FADS2: variants seen among roughly 807,000 people sequenced by gnomAD.
The protein encoded by FADS2 is acyl-CoA 6-desaturase.
FADS2 carries 18 observed loss-of-function variants against 61.2 expected under a neutral mutation model. That is an observed-to-expected ratio of 0.29 (90% CI 0.20 to 0.44). The LOEUF is 0.44. Ranked by LOEUF, FADS2 falls within the 20% of genes least tolerant of loss-of-function variation. The probability of loss-of-function intolerance (pLI) is 1.00; values close to 1 mark genes in which losing one functional copy is unlikely to be tolerated. For synonymous variants in FADS2, 203 were observed against 223.9 expected, an observed-to-expected ratio of 0.91 and a Z score of 0.83; for missense variants, 322 against 572.7, an observed-to-expected ratio of 0.56 and a Z score of 4.47.
chr11:61,828,334 G>A lies in FADS2; in HGVS notation c.-57G>A. On this transcript the variant is annotated 5_prime_UTR_variant, in exon 1 of 12. Coordinates refer to ENST00000278840, the MANE Select transcript of FADS2 (RefSeq NM_004265.4). This position sits in a 1 kb window ranked among gnomAD's most constrained non-coding sequence, Gnocchi z 6.4. ...CGGCTGGGAGGCAGCCGTCTGTGCA[G>A]CGAGCAGCCGGCGCGGGGAGGCCGC... The A allele has an allele frequency of 6.5e-7, 1 of 1,537,610 alleles. No individual in the cohort carries two copies. The highest frequency in any genetic ancestry group is 8.8e-7 in the Non-Finnish European group (1 of 1,141,902).
At chr11:61,838,948 T>C (rs974844383) in intron 2 of FADS2, among the ~76,000 whole-genome samples, 5 of 152,168 alleles carry the variant, frequency 3.3e-5, no homozygotes, top group African/African-American at 1.2e-4. Context: ...CTGCAGATCC[T>C]GCACCATTTA....
intron 4 of FADS2, among the ~76,000 whole-genome samples, chr11:61,844,648 A>C (rs891051949): frequency 6.7e-6 from 1 of 148,336 alleles, no homozygotes; most frequent in East Asian, 2.1e-4. Flanking sequence ...AAATGAGGCC[A>C]GGCGCGGTGG....
At chr11:61,850,796 C>T (rs1353156197) in intron 5 of FADS2, among the ~76,000 whole-genome samples, 3 of 152,164 alleles carry the variant, frequency 2.0e-5, no homozygotes, top group Non-Finnish European at 4.4e-5. Context: ...TCAGCATCTG[C>T]CAAGTGAGGC....
At chr11:61,858,724 T>C (rs1316485803) in intron 7 of FADS2, among the ~76,000 whole-genome samples, 1 of 151,416 alleles carries the variant, frequency 6.6e-6, no homozygotes, top group East Asian at 2.0e-4. Context: ...TAGCTGGGAG[T>C]ACAGGCGCCG....
chr11:61,857,465 C>T lies in FADS2; in HGVS notation c.817C>T (p.Leu273=). The T allele has an allele frequency of 6.2e-7, 1 of 1,614,050 alleles. No homozygotes were observed. Among genetic ancestry groups the T allele is most frequent in the South Asian group, 1.1e-5 (1 of 91,084 alleles). ...TCTCTCTCCTGCAGTTGGGCCGCCGCTGCTCATCCCCATGTATTTCCAGTA... is the reference window on the plus strand; with the variant it reads ...TCTCTCTCCTGCAGTTGGGCCGCCGTTGCTCATCCCCATGTATTTCCAGTA... ...HEYFFLIGPP[L]LIPMYFQYQI... is the part of the protein sequence containing the mutation. Residue 273 remains leucine (L), a synonymous_variant, in exon 7 of 12, where the codon CTG becomes TTG. Transcript: ENST00000278840.
At chr11:61,863,520 C>T in intron 9 of FADS2, 142 bp downstream of exon 9, 1 of 791,170 alleles carries the variant, frequency 1.3e-6, no homozygotes. Flanking sequence ...CAGGGCTGAG[C>T]AAGAAAGGGC....
intron 4 of FADS2, 40 bp downstream of exon 4, chr11:61,840,765 G>T: frequency 6.8e-7 from 1 of 1,466,556 alleles, no homozygotes; most frequent in South Asian, 1.1e-5. Flanking sequence ...CTGTTGGACA[G>T]CAGTTGAGAC....
rs1040674956 is a variant in FADS2, at chr11:61,828,904, G to T, written c.207+307G>T. Among the ~76,000 whole-genome samples the T allele has an allele frequency of 6.6e-6, 1 of 152,224 alleles. No homozygotes were observed. The highest frequency in any genetic ancestry group is 1.5e-5 in the Non-Finnish European group (1 of 68,032). ...CGCGTCCTCCCCTTCCTCGGGGTTTGTCTGGAGGCAGGGACTCCCCAAGAG... is the reference window on the plus strand; with the variant it reads ...CGCGTCCTCCCCTTCCTCGGGGTTTTTCTGGAGGCAGGGACTCCCCAAGAG... On this transcript the variant is annotated intron_variant, in intron 1 of 11. Transcript: ENST00000278840. The surrounding 1 kb of genome is among the most constrained non-coding windows in gnomAD (Gnocchi z 6.4).
chr11:61,835,659 C>A (rs2067167978), intron 1 of FADS2, among the ~76,000 whole-genome samples: 1 of 151,870 alleles, frequency 6.6e-6, no homozygotes, highest in African/African-American at 2.4e-5. Context: ...GCCGCCTCGG[C>A]CTCCCAAAGT....
At chr11:61,861,367 A>AAACAC (rs2067414769) in intron 7 of FADS2, among the ~76,000 whole-genome samples, 1 of 146,934 alleles carries the variant, frequency 6.8e-6, no homozygotes, top group Admixed American at 6.7e-5. Flanking sequence ...AAAAAAAAAA[A>AAACAC]AAAACAGAAA....
chr11:61,818,494 G>T (rs2067008227), intron 1 of FADS2, among the ~76,000 whole-genome samples: 1 of 152,172 alleles, frequency 6.6e-6, no homozygotes, highest in African/African-American at 2.4e-5. Flanking sequence ...GGGAGACTGT[G>T]CAAAGATGCA....
chr11:61,863,447 A>G (rs1591182387), intron 9 of FADS2, 69 bp downstream of exon 9: 3 of 1,211,136 alleles, frequency 2.5e-6, no homozygotes, highest in Admixed American at 1.7e-5. Flanking sequence ...GATGATCTGC[A>G]CCTGCTAACA....
At chr11:61,855,146 G>C (rs1041348999) in intron 5 of FADS2, 1 of 152,686 alleles carries the variant, frequency 6.5e-6, no homozygotes, top group Non-Finnish European at 1.5e-5. Context: ...TCCCTCCATA[G>C]GATGCCCTGG....
intron 1 of FADS2, among the ~76,000 whole-genome samples, chr11:61,835,049 C>T (rs994209956): frequency 1.4e-5 from 2 of 144,288 alleles, no homozygotes; most frequent in African/African-American, 5.0e-5. Flanking sequence ...AGGGACTTCT[C>T]CCTGCCTCCC....
intron 10 of FADS2, among the ~76,000 whole-genome samples, chr11:61,864,806 G>A (rs1054297462): frequency 2.0e-5 from 3 of 152,184 alleles, no homozygotes; most frequent in Admixed American, 1.3e-4. Flanking sequence ...AAAATGCTGG[G>A]ATTACAGGCG....
chr11:61,816,534 C>G lies in FADS2; in HGVS notation c.141+108C>G, dbSNP rs1213604855. 2 of 1,597,270 alleles carry G rather than the reference C, an allele frequency of 1.3e-6. No individual in the cohort carries two copies. Among genetic ancestry groups the G allele is most frequent in the Non-Finnish European group, 1.7e-6 (2 of 1,173,464 alleles). ...GCCTCCGGTCCCGCCCTCTCCTGTG[C>G]CCCCGCCTGGCTGCGCTCACCGTGG... On this transcript the variant is annotated intron_variant, in intron 1 of 11. Coordinates refer to the FADS2 transcript ENST00000257261. This position sits in a 1 kb window ranked among gnomAD's most constrained non-coding sequence, Gnocchi z 7.0.
At chr11:61,821,109 A>G (rs2135947261) in intron 1 of FADS2, among the ~76,000 whole-genome samples, 1 of 152,322 alleles carries the variant, frequency 6.6e-6, no homozygotes, top group South Asian at 2.1e-4. Context: ...TGTTGATCCT[A>G]AGGGAACTTG....
chr11:61,865,869 C>G lies in FADS2; in HGVS notation c.*180C>G. On this transcript the variant is annotated 3_prime_UTR_variant, in exon 12 of 12. Transcript: ENST00000278840. The surrounding 1 kb of genome is among the most constrained non-coding windows in gnomAD (Gnocchi z 4.1). ...TCTCTTCACATCTCCCCCATAGCAC[C>G]CTGCCCTCATGGGACCTGCCCTCCC... 1 of 604,516 alleles carries G rather than the reference C, an allele frequency of 1.7e-6. No individual in the cohort carries two copies. The highest frequency in any genetic ancestry group is 2.9e-6 in the Non-Finnish European group (1 of 339,466). The allele number at this position is 604,516 out of a possible 1,614,324, so 37.4% of individuals were successfully genotyped here. A position where few individuals can be genotyped will look rare whatever the true frequency, so the allele number is the denominator to read the frequency against.
rs747819760 is a variant in FADS2, at chr11:61,863,072, G to A, written c.980+3G>A. 6.2e-7 allele frequency: 1 copy of A among 1,612,528 alleles called. No individual in the cohort carries two copies. The highest frequency in any genetic ancestry group is 1.3e-5 in the African/African-American group (1 of 74,916). On this transcript the variant is annotated splice_donor_region_variant and intron_variant, in intron 8 of 11. Transcript: ENST00000278840. Reference sequence around the variant, plus strand: ...CTCCTTTTCCTCAACTTCATCAGGTGCCTGGGCTTTGCTGATTCATCCCTG... The same window carrying A: ...CTCCTTTTCCTCAACTTCATCAGGTACCTGGGCTTTGCTGATTCATCCCTG...
Sources: gnomAD v4.1 joint callset for allele counts (sites outside exome capture counted in the v4.1 genomes callset) on GRCh38, gnomAD v4.1.1 for gene constraint, Gnocchi (gnomAD v3.1) non-coding constraint, MANE v1.5 for transcripts, NCBI Gene and HGNC (gene_info 2026-07-23, HGNC 2026-07-21) for gene names.